The following TRMT11 variants were observed in gnomAD, a reference collection of about 807,000 sequenced individuals.
The protein encoded by TRMT11 is tRNA (guanine(10)-N(2))-methyltransferase TRMT11.
A neutral mutation model predicts 62.8 loss-of-function variants in TRMT11; 53 were observed. The ratio of observed to expected loss-of-function variants is 0.84; its 90% CI spans 0.68 to 1.06. The LOEUF (loss-of-function observed/expected upper bound fraction) is 1.06. TRMT11 is among the 50% of genes least tolerant of loss of function. The pLI, the probability that TRMT11 is intolerant of heterozygous loss-of-function variation, is 0.00. For synonymous variants in TRMT11, 188 were observed against 190.3 expected (o/e 0.99, Z 0.10); for missense variants, 556 against 553.4 (o/e 1.00, Z -0.05).
intron 21 of TRMT11, among the ~76,000 whole-genome samples, chr6:126,150,534 T>C (rs1301709931): frequency 6.6e-6 from 1 of 152,160 alleles, no homozygotes; most frequent in Non-Finnish European, 1.5e-5. Flanking sequence ...GTGCCTAGCA[T>C]TGAGTCTAGC....
intron 1 of TRMT11, among the ~76,000 whole-genome samples, chr6:126,186,015 G>C (rs1778523134): frequency 6.6e-6 from 1 of 152,176 alleles, no homozygotes; most frequent in Non-Finnish European, 1.5e-5. Context: ...TGAGATTCGG[G>C]TGGGGACACA....
At chr6:126,050,372 G>C (rs967844587) in intron 16 of TRMT11, among the ~76,000 whole-genome samples, 2 of 151,796 alleles carry the variant, frequency 1.3e-5, no homozygotes, top group African/African-American at 2.4e-5. Flanking sequence ...AGTTGTCATG[G>C]GACTAAAGAT....
intron 17 of TRMT11, among the ~76,000 whole-genome samples, chr6:126,068,498 A>G (rs1474959831): frequency 6.6e-6 from 1 of 152,204 alleles, no homozygotes; most frequent in East Asian, 1.9e-4. Flanking sequence ...AACATCATCT[A>G]TGTCCCACTG....
intron 11 of TRMT11, among the ~76,000 whole-genome samples, chr6:126,018,077 G>C (rs745530435): frequency 2.0e-5 from 3 of 152,152 alleles, no homozygotes; most frequent in Non-Finnish European, 4.4e-5. Context: ...GTGATAACAT[G>C]ATGACATACT....
At chr6:126,239,260 C>T in the TRMT11 span, among the ~76,000 whole-genome samples, 2 of 152,254 alleles carry the variant, frequency 1.3e-5, no homozygotes, top group East Asian at 3.9e-4. Flanking sequence ...ACGATGTTAG[C>T]TGGTTATTTT....
the TRMT11 span, among the ~76,000 whole-genome samples, chr6:126,256,681 T>G: frequency 6.6e-6 from 1 of 152,120 alleles, no homozygotes; most frequent in Non-Finnish European, 1.5e-5. Flanking sequence ...ATAGGAAACA[T>G]TGGTCCATAA....
At chr6:126,129,189 T>C (rs974334786) in intron 21 of TRMT11, among the ~76,000 whole-genome samples, 2 of 152,124 alleles carry the variant, frequency 1.3e-5, no homozygotes, top group Non-Finnish European at 2.9e-5. Context: ...TTTCTCTCTC[T>C]GACATTGTCC....
the TRMT11 span, chr6:126,258,415 C>T: frequency 1.5e-5 from 5 of 333,056 alleles, no homozygotes; most frequent in South Asian, 1.0e-4. Flanking sequence ...CTCCTGGTGG[C>T]TGGCCCGGGT....
chr6:126,001,969 T>A (rs1792569418), intron 7 of TRMT11, among the ~76,000 whole-genome samples: 1 of 152,166 alleles, frequency 6.6e-6, no homozygotes, highest in South Asian at 2.1e-4. Flanking sequence ...TTACTTTTGT[T>A]CCTCAAATTG....
chr6:126,097,099 A>G (rs369560245), intron 17 of TRMT11, among the ~76,000 whole-genome samples: 1 of 152,112 alleles, frequency 6.6e-6, no homozygotes, highest in African/African-American at 2.4e-5. Context: ...TAACATATCA[A>G]ACATTTCTAT....
intron 17 of TRMT11, among the ~76,000 whole-genome samples, chr6:126,093,148 A>C (rs1276422062): frequency 6.6e-6 from 1 of 152,192 alleles, no homozygotes; most frequent in African/African-American, 2.4e-5. Context: ...TCCAAGTCCA[A>C]ACATAATTTA....
intron 1 of TRMT11, among the ~76,000 whole-genome samples, chr6:126,179,719 A>G (rs1478805436): frequency 6.6e-6 from 1 of 152,212 alleles, no homozygotes; most frequent in Non-Finnish European, 1.5e-5. Flanking sequence ...AATAACTATA[A>G]GACAGCTCAC....
intron 11 of TRMT11, among the ~76,000 whole-genome samples, chr6:126,016,122 C>G (rs1486665450): frequency 2.0e-5 from 3 of 152,114 alleles, no homozygotes; most frequent in Admixed American, 6.5e-5. Context: ...ATTAATGACT[C>G]CATTGTTGAC....
intron 7 of TRMT11, among the ~76,000 whole-genome samples, chr6:126,002,675 A>G (rs1792707788): frequency 6.6e-6 from 1 of 152,058 alleles, no homozygotes; most frequent in Non-Finnish European, 1.5e-5. Context: ...ATTTTCAAAT[A>G]TGTATAAGAT....
At chr6:126,005,617 G>C (rs1354098216) in intron 7 of TRMT11, among the ~76,000 whole-genome samples, 1 of 151,898 alleles carries the variant, frequency 6.6e-6, no homozygotes, top group Non-Finnish European at 1.5e-5. Context: ...ATATTAAATG[G>C]TGATGATAAA....
At chr6:126,060,175 G>A (rs917646795) in intron 17 of TRMT11, among the ~76,000 whole-genome samples, 6 of 152,148 alleles carry the variant, frequency 3.9e-5, no homozygotes, top group Non-Finnish European at 8.8e-5. Flanking sequence ...CTCTTCATGA[G>A]CAGGTTCTGT....
intron 1 of TRMT11, among the ~76,000 whole-genome samples, chr6:126,178,372 A>G (rs1398793154): frequency 2.6e-5 from 4 of 152,144 alleles, no homozygotes; most frequent in African/African-American, 9.7e-5. Flanking sequence ...TGAGGCTGTC[A>G]TGGGACTGGC....
intron 17 of TRMT11, among the ~76,000 whole-genome samples, chr6:126,096,097 G>T (rs1203337181): frequency 6.6e-6 from 1 of 152,200 alleles, no homozygotes; most frequent in Non-Finnish European, 1.5e-5. Flanking sequence ...TCATAAGAGG[G>T]AGAAGAGTTT....
chr6:126,268,220 G>T, the TRMT11 span, among the ~76,000 whole-genome samples: 11 of 152,108 alleles, frequency 7.2e-5, no homozygotes, highest in Non-Finnish European at 1.5e-4. Flanking sequence ...GAGAGCTATC[G>T]CCTGGGGCCA....
Sources: gnomAD v4.1 joint callset for allele counts (sites outside exome capture counted in the v4.1 genomes callset) on GRCh38, gnomAD v4.1.1 for gene constraint, MANE v1.5 for transcripts, NCBI Gene and HGNC (gene_info 2026-07-23, HGNC 2026-07-21) for gene names.